Variants in CFAP20DC observed in about 807,000 individuals in gnomAD.
The protein encoded by CFAP20DC is CFAP20 domain containing.
In CFAP20DC, 84 loss-of-function variants were observed where a neutral mutation model predicts 101.7. The ratio of observed to expected loss-of-function variants is 0.83; its 90% confidence interval spans 0.69 to 0.99. The LOEUF is 0.99. Among genes scored for constraint, CFAP20DC ranks in the 50% least tolerant of loss-of-function variants. The pLI, the probability that CFAP20DC is intolerant of heterozygous loss-of-function variation, is 0.00. For synonymous variants in CFAP20DC, 359 were observed against 351.2 expected, an observed-to-expected ratio of 1.02 and a Z score of -0.25; for missense variants, 1,007 against 970.3, an observed-to-expected ratio of 1.04 and a Z score of -0.50.
intron 15 of CFAP20DC, among the ~76,000 whole-genome samples, chr3:58,782,385 C>T (rs777605834): frequency 1.3e-5 from 2 of 151,942 alleles, no homozygotes; most frequent in Non-Finnish European, 2.9e-5. Context: ...GACAAGGATG[C>T]CCACTTTTAC....
rs567592851 is a variant in CFAP20DC at position 58,842,813 on chromosome 3, T to C, written c.1971+6219A>G. ...GGTTCTCCCAGCACGCAGCTGGAGA[T>C]CTGACAACCGGCAGACTGCCTCCTC... is the stretch of plus-strand genomic sequence containing the variant. On this transcript the variant is annotated intron_variant, in intron 13 of 16. Coordinates refer to ENST00000482387, the MANE Select transcript of CFAP20DC (RefSeq NM_001394063.1). Among the ~76,000 whole-genome samples, 6 of 152,266 alleles carry C rather than the reference T, an allele frequency of 3.9e-5. No individual in the cohort carries two copies. The South Asian group carries it at 1.0e-3, about 26-fold the overall frequency.
intron 4 of CFAP20DC, among the ~76,000 whole-genome samples, chr3:59,036,339 G>A (rs906611818): frequency 1.1e-4 from 16 of 152,060 alleles, no homozygotes; most frequent in Admixed American, 3.9e-4. Flanking sequence ...TTCAAATAGG[G>A]AGAGAGGGAG....
chr3:58,751,498 T>C (rs1338001606), intron 16 of CFAP20DC, among the ~76,000 whole-genome samples: 3 of 151,968 alleles, frequency 2.0e-5, no homozygotes, highest in Non-Finnish European at 4.4e-5. Flanking sequence ...CAAGCATGGG[T>C]GGGAGGAGAG....
chr3:58,876,698 G>A (rs1191514959), intron 7 of CFAP20DC, among the ~76,000 whole-genome samples: 5 of 152,122 alleles, frequency 3.3e-5, no homozygotes. Context: ...AAGATACAAT[G>A]TTCTAATTAT....
intron 4 of CFAP20DC, among the ~76,000 whole-genome samples, chr3:58,967,071 A>G (rs1048183076): frequency 6.6e-6 from 1 of 152,216 alleles, no homozygotes; most frequent in Non-Finnish European, 1.5e-5. Context: ...AAGCATGAAC[A>G]AAGTTGGAGG....
chr3:58,844,489 C>T lies in CFAP20DC; in HGVS notation c.1971+4543G>A, dbSNP rs2077436776. On this transcript the variant is annotated intron_variant, in intron 13 of 16. Coordinates refer to ENST00000482387, the MANE Select transcript of CFAP20DC (RefSeq NM_001394063.1). ...ATCGTAAACATATATGCACCCAATA[C>T]AGGAGCACCCAGATTCATAAAGCAA... 7.7e-5 allele frequency among the ~76,000 whole-genome samples: 11 copies of T among 142,346 alleles called. No homozygotes were observed. In the South Asian group the frequency reaches 2.4e-3, roughly 31 times the overall value. The allele number at this position is 142,346 out of a possible 152,430, so 93.4% of individuals were successfully genotyped here. A position where few individuals can be genotyped will look rare whatever the true frequency, so the allele number is the denominator to read the frequency against.
chr3:58,901,214 G>A (rs1483006967), intron 6 of CFAP20DC, among the ~76,000 whole-genome samples: 5 of 152,160 alleles, frequency 3.3e-5, no homozygotes, highest in Non-Finnish European at 7.3e-5. Context: ...AAAATATTGC[G>A]ATAAAGTGTG....
chr3:58,810,538 T>C (rs566388453), intron 14 of CFAP20DC, among the ~76,000 whole-genome samples: 5 of 152,120 alleles, frequency 3.3e-5, no homozygotes, highest in East Asian at 1.9e-4. Flanking sequence ...AAATTAGGTA[T>C]TGATGGGACG....
chr3:58,981,737 C>G (rs1400933648), intron 4 of CFAP20DC, among the ~76,000 whole-genome samples: 1 of 152,118 alleles, frequency 6.6e-6, no homozygotes, highest in Non-Finnish European at 1.5e-5. Context: ...CATGTTAGAC[C>G]TAAAACCATA....
intron 4 of CFAP20DC, among the ~76,000 whole-genome samples, chr3:58,993,042 A>G (rs545677336): frequency 6.6e-6 from 1 of 152,188 alleles, no homozygotes; most frequent in Non-Finnish European, 1.5e-5. Context: ...CGGAGCTACA[A>G]AGGAGAAAAA....
chr3:58,724,784 C>T lies in CFAP20DC; in HGVS notation c.198-7156G>A, dbSNP rs767989878. 5.9e-5 allele frequency among the ~76,000 whole-genome samples: 9 copies of T among 152,218 alleles called. No individual in the cohort carries two copies. Among genetic ancestry groups the T allele is most frequent in the South Asian group, 2.1e-4 (1 of 4,808 alleles). On this transcript the variant is annotated intron_variant, in intron 3 of 3. Coordinates refer to the CFAP20DC transcript ENST00000486145. This position sits in a 1 kb window ranked among gnomAD's most constrained non-coding sequence, Gnocchi z 5.6. ...AACCTGTCTCTTCTCAATCCTTTGT[C>T]GCCACCGGACTTCGGGTACCCTACG...
chr3:58,769,358 G>T (rs1376221602), intron 15 of CFAP20DC, among the ~76,000 whole-genome samples: 1 of 152,200 alleles, frequency 6.6e-6, no homozygotes, highest in African/African-American at 2.4e-5. Context: ...TGTCCGGAAA[G>T]ATTCCATGGT....
intron 7 of CFAP20DC, 63 bp from the exon 8 acceptor site, chr3:58,870,372 C>G (rs984751794): frequency 3.9e-6 from 6 of 1,528,312 alleles, no homozygotes; most frequent in Non-Finnish European, 5.4e-6. Context: ...CATCACACTG[C>G]AATCTTTCTA....
At chr3:58,983,831 C>G (rs191412304) in intron 4 of CFAP20DC, among the ~76,000 whole-genome samples, 14 of 152,270 alleles carry the variant, frequency 9.2e-5, no homozygotes, top group Admixed American at 9.2e-4. Flanking sequence ...AACTGAGGCA[C>G]AAGGACACTA....
intron 15 of CFAP20DC, among the ~76,000 whole-genome samples, chr3:58,780,916 A>T (rs375806234): frequency 2.0e-5 from 3 of 152,126 alleles, no homozygotes; most frequent in African/African-American, 7.2e-5. Flanking sequence ...CTGGATTTGA[A>T]TTACACATTA....
At chr3:58,840,141 CA>C (rs2077000812) in intron 13 of CFAP20DC, among the ~76,000 whole-genome samples, 1 of 152,128 alleles carries the variant, frequency 6.6e-6, no homozygotes, top group Non-Finnish European at 1.5e-5. Context: ...ATTTAATCAC[CA>C]AATTCTGCAG....
At position 58,863,681 on chromosome 3, in the gene CFAP20DC, T is replaced by C; in HGVS notation, c.1470A>G (p.Gly490=). ...FSSRPRSAPH[G]KTQTMSPEEL... ...CCTCTGGGGACATAGTCTGAGTCTT[T>C]CCATGAGGTGCTGATCGTGGTCTTG... Residue 490 remains glycine, a synonymous_variant, in exon 12 of 17, where the codon GGA becomes GGG. Coordinates refer to ENST00000482387, the MANE Select transcript of CFAP20DC (RefSeq NM_001394063.1). The surrounding 1 kb of genome is among the most constrained non-coding windows in gnomAD (Gnocchi z 5.9). 6.2e-7 allele frequency: 1 copy of C among 1,614,154 alleles called. No homozygotes were observed. The highest frequency in any genetic ancestry group is 1.1e-5 in the South Asian group (1 of 91,082).
intron 15 of CFAP20DC, among the ~76,000 whole-genome samples, chr3:58,757,289 G>A (rs890484721): frequency 1.3e-5 from 2 of 151,946 alleles, no homozygotes; most frequent in Non-Finnish European, 2.9e-5. Flanking sequence ...AAGCAGGCTT[G>A]ATTTGAATTT....
At chr3:58,936,106 G>A (rs1307869445) in intron 5 of CFAP20DC, among the ~76,000 whole-genome samples, 2 of 152,032 alleles carry the variant, frequency 1.3e-5, no homozygotes, top group Admixed American at 6.6e-5. Flanking sequence ...ATCAAAAAGT[G>A]GGCGAAGGAC....
Sources: allele counts gnomAD v4.1 joint callset (sites outside exome capture counted in the v4.1 genomes callset), GRCh38; gene constraint gnomAD v4.1.1; non-coding constraint Gnocchi (gnomAD v3.1); transcripts MANE v1.5; gene names NCBI Gene and HGNC (gene_info 2026-07-23, HGNC 2026-07-21).